Variants in AGBL1 observed in about 807,000 individuals in gnomAD.
AGBL1 encodes the protein cytosolic carboxypeptidase 4.
In AGBL1, 130 loss-of-function variants were observed where a neutral mutation model predicts 118.9. That is an observed-to-expected ratio of 1.09 (90% CI 0.95 to 1.26). The LOEUF (loss-of-function observed/expected upper bound fraction) is 1.26. Ranked by LOEUF, AGBL1 falls within the 50% of genes most tolerant of loss-of-function variation. The pLI, the probability that AGBL1 is intolerant of heterozygous loss-of-function variation, is 0.00. For synonymous variants in AGBL1, 555 were observed against 478.9 expected (o/e 1.16, Z -2.08); for missense variants, 1,584 against 1,298.1 (o/e 1.22, Z -3.38).
intron 22 of AGBL1, among the ~76,000 whole-genome samples, chr15:86,832,746 C>A (rs113060353): frequency 6.6e-6 from 1 of 152,184 alleles, no homozygotes; most frequent in African/African-American, 2.4e-5. Flanking sequence ...TTCCTGCCTT[C>A]TTCTGAGTCC....
intron 17 of AGBL1, among the ~76,000 whole-genome samples, chr15:86,322,860 T>G (rs776783515): frequency 9.2e-5 from 14 of 152,244 alleles, no homozygotes; most frequent in Non-Finnish European, 2.9e-5. Context: ...GCAGTAATTT[T>G]TCTTGCCACT....
At chr15:86,966,654 C>T (rs923246340) in intron 23 of AGBL1, among the ~76,000 whole-genome samples, 1 of 152,106 alleles carries the variant, frequency 6.6e-6, no homozygotes, top group African/African-American at 2.4e-5. Flanking sequence ...AGGTCATGAA[C>T]TCATCTTTTT....
rs59695938 is a variant in AGBL1 at position 86,990,456 on chromosome 15, G to C, written c.3323+2368G>C. Among the ~76,000 whole-genome samples the C allele has an allele frequency of 3.0e-3, 455 of 152,176 alleles. 3 individuals carry two copies. The highest frequency in any genetic ancestry group is 0.01 in the African/African-American group (423 of 41,514). The stretch of plus-strand genomic sequence containing the variant: ...TTGAACCCAGGGGGCAGAGTTTGCA[G>C]TGAGCCAAGATTGTGCCACTGCACT... On this transcript the variant is annotated intron_variant, in intron 24 of 24. Transcript: ENST00000441037.
intron 23 of AGBL1, among the ~76,000 whole-genome samples, chr15:86,976,340 T>C (rs1328397251): frequency 1.3e-5 from 2 of 151,784 alleles, no homozygotes; most frequent in East Asian, 3.9e-4. Flanking sequence ...CTTAGAAATA[T>C]ATCATAAAAA....
chr15:86,389,143 C>T (rs2081240481), intron 17 of AGBL1, among the ~76,000 whole-genome samples: 1 of 151,756 alleles, frequency 6.6e-6, no homozygotes, highest in Admixed American at 6.6e-5. Flanking sequence ...TTAAGAGAAT[C>T]AACAGAAAAC....
intron 7 of AGBL1, among the ~76,000 whole-genome samples, chr15:86,255,315 A>G (rs2078877394): frequency 6.6e-6 from 1 of 152,208 alleles, no homozygotes; most frequent in African/African-American, 2.4e-5. Context: ...AATAGCTTCA[A>G]CTGTTCATTA....
intron 5 of AGBL1, among the ~76,000 whole-genome samples, 175 bp from the exon 6 acceptor site, chr15:86,224,739 G>T (rs559548828): frequency 5.3e-5 from 8 of 152,126 alleles, no homozygotes; most frequent in South Asian, 2.1e-4. Flanking sequence ...TTCGCTCAGC[G>T]TTATTTCTGC....
At chr15:86,422,979 C>T (rs1454932879) in intron 18 of AGBL1, among the ~76,000 whole-genome samples, 4 of 152,104 alleles carry the variant, frequency 2.6e-5, no homozygotes, top group African/African-American at 9.7e-5. Flanking sequence ...CAGGACTGGA[C>T]AGATTCACAG....
chr15:86,438,123 G>C (rs1258389815), intron 18 of AGBL1, among the ~76,000 whole-genome samples: 1 of 151,988 alleles, frequency 6.6e-6, no homozygotes, highest in East Asian at 1.9e-4. Flanking sequence ...CGTCAGGTTG[G>C]TCTCCAACTC....
chr15:86,978,349 G>C (rs1025632252), intron 23 of AGBL1, among the ~76,000 whole-genome samples: 1 of 152,146 alleles, frequency 6.6e-6, no homozygotes, highest in Non-Finnish European at 1.5e-5. Flanking sequence ...TTTCAGTTAG[G>C]GCACATATAT....
At chr15:86,443,160 T>C (rs28427404) in intron 18 of AGBL1, among the ~76,000 whole-genome samples, 95,533 of 152,102 alleles carry the variant, frequency 0.63, 32,517 homozygotes, top group African/African-American at 0.89. Context: ...ACTCAGCCCC[T>C]GTGGCCCTTC....
At chr15:86,995,081 T>C (rs1033131781) in intron 24 of AGBL1, among the ~76,000 whole-genome samples, 12 of 152,134 alleles carry the variant, frequency 7.9e-5, no homozygotes, top group Non-Finnish European at 1.3e-4. Context: ...AGATAGTAAA[T>C]TGTGCTTTTA....
intron 18 of AGBL1, among the ~76,000 whole-genome samples, chr15:86,468,798 A>G (rs1046183128): frequency 6.6e-6 from 1 of 152,188 alleles, no homozygotes; most frequent in African/African-American, 2.4e-5. Flanking sequence ...TAGGATAGAC[A>G]TGAGAGGGGA....
At chr15:86,951,742 C>A (rs1176730958) in intron 23 of AGBL1, among the ~76,000 whole-genome samples, 1 of 152,132 alleles carries the variant, frequency 6.6e-6, no homozygotes, top group African/African-American at 2.4e-5. Context: ...GAGCTCCACA[C>A]TCATGATTTG....
chr15:86,929,883 T>C (rs930505839), intron 23 of AGBL1, among the ~76,000 whole-genome samples: 1 of 152,216 alleles, frequency 6.6e-6, no homozygotes, highest in Non-Finnish European at 1.5e-5. Flanking sequence ...CTGGGTAAAC[T>C]AGAATATGCC....
intron 22 of AGBL1, among the ~76,000 whole-genome samples, chr15:86,733,522 A>G (rs2077555167): frequency 6.6e-6 from 1 of 152,178 alleles, no homozygotes; most frequent in Non-Finnish European, 1.5e-5. Context: ...AGATGAGAAT[A>G]TTTAATCACT....
intron 5 of AGBL1, among the ~76,000 whole-genome samples, chr15:86,224,427 A>G (rs2078327164): frequency 6.6e-6 from 1 of 152,168 alleles, no homozygotes; most frequent in Non-Finnish European, 1.5e-5. Context: ...CTCTCTTTGC[A>G]ATGTGTGAAT....
chr15:86,339,092 T>A lies in AGBL1; in HGVS notation c.2374+43684T>A, dbSNP rs1203430301. Among the ~76,000 whole-genome samples the A allele has an allele frequency of 1.3e-5, 2 of 152,192 alleles. 1 individual carries two copies. Among genetic ancestry groups the A allele is most frequent in the Middle Eastern group, 6.3e-3 (2 of 316 alleles). On this transcript the variant is annotated intron_variant, in intron 17 of 22. Transcript: ENST00000614907. The stretch of plus-strand genomic sequence containing the variant: ...TGGTAGATAATACATTGCTTTATGA[T>A]CCTTCATCCTTGAAGGAAATTTTCA...
intron 22 of AGBL1, among the ~76,000 whole-genome samples, chr15:86,768,153 A>G (rs368414149): frequency 6.6e-6 from 1 of 151,934 alleles, no homozygotes; most frequent in African/African-American, 2.4e-5. Flanking sequence ...GCTGATGGGA[A>G]TAGTCTTAGA....
Sources: allele counts gnomAD v4.1 joint callset (sites outside exome capture counted in the v4.1 genomes callset), GRCh38; gene constraint gnomAD v4.1.1; transcripts MANE v1.5; gene names NCBI Gene and HGNC (gene_info 2026-07-23, HGNC 2026-07-21).